Variants in GABBR2 observed in about 807,000 individuals in gnomAD.
The protein encoded by GABBR2 is G-protein coupled receptor 51.
In GABBR2, 23 loss-of-function variants were observed where a neutral mutation model predicts 105.6. That is an observed-to-expected ratio of 0.22 (90% CI 0.16 to 0.31). GABBR2 has a LOEUF of 0.31. GABBR2 is among the 10% of genes least tolerant of loss of function. The pLI is 1.00. For missense variants in GABBR2, 734 were observed against 1,245.5 expected, an observed-to-expected ratio of 0.59 and a Z score of 6.18; for synonymous variants, 478 against 499.7, an observed-to-expected ratio of 0.96 and a Z score of 0.58.
At chr9:98,572,222 C>T (rs1008401307) in intron 2 of GABBR2, among the ~76,000 whole-genome samples, 2 of 152,224 alleles carry the variant, frequency 1.3e-5, no homozygotes, top group East Asian at 1.9e-4. Context: ...ACTCACATCA[C>T]GACTAAAACA....
intron 13 of GABBR2, among the ~76,000 whole-genome samples, chr9:98,337,767 G>A (rs925682030): frequency 1.2e-4 from 18 of 152,044 alleles, no homozygotes; most frequent in African/African-American, 3.9e-4. Context: ...GTCCAGGGGC[G>A]GTAGCTCACG....
chr9:98,403,396 G>T (rs1291776240), intron 8 of GABBR2, among the ~76,000 whole-genome samples: 2 of 151,128 alleles, frequency 1.3e-5, no homozygotes, highest in Non-Finnish European at 3.0e-5. Context: ...ATGCAGAGAG[G>T]GTGAGGGGAG....
rs538787410 is a variant in GABBR2, at chr9:98,341,879, C to T, written c.1893+20836G>A. Among the ~76,000 whole-genome samples, 130 of 152,182 alleles carry T rather than the reference C, an allele frequency of 8.5e-4. 1 individual carries two copies. The highest frequency in any genetic ancestry group is 2.9e-3 in the African/African-American group (122 of 41,528). On this transcript the variant is annotated intron_variant, in intron 13 of 18. Transcript: ENST00000259455. ...CGGCAAAGACATTTCTTCGAGAAGCCGGCTTAATGGGCCCAGACAGATGGG... is the reference window on the plus strand; with the variant it reads ...CGGCAAAGACATTTCTTCGAGAAGCTGGCTTAATGGGCCCAGACAGATGGG...
chr9:98,379,444 T>G (rs924935675), intron 11 of GABBR2, among the ~76,000 whole-genome samples: 1 of 152,188 alleles, frequency 6.6e-6, no homozygotes, highest in Non-Finnish European at 1.5e-5. Context: ...AATCTTTGTA[T>G]TTTTAGTAGA....
intron 1 of GABBR2, among the ~76,000 whole-genome samples, chr9:98,595,263 G>T (rs1051141073): frequency 6.6e-6 from 1 of 151,890 alleles, no homozygotes; most frequent in Non-Finnish European, 1.5e-5. Context: ...CTTTTATAAG[G>T]CAGAATCCAT....
At chr9:98,374,984 C>T (rs1831847512) in intron 11 of GABBR2, among the ~76,000 whole-genome samples, 1 of 152,076 alleles carries the variant, frequency 6.6e-6, no homozygotes, top group African/African-American at 2.4e-5. Flanking sequence ...TGGGAGCATT[C>T]CTGCATACAA....
At chr9:98,518,991 G>A (rs1056295313) in intron 3 of GABBR2, among the ~76,000 whole-genome samples, 2 of 152,212 alleles carry the variant, frequency 1.3e-5, no homozygotes, top group Non-Finnish European at 2.9e-5. Context: ...ATTTTATAAT[G>A]TATCTTCTTA....
chr9:98,316,830 TGAG>T (rs1256252278), intron 13 of GABBR2, among the ~76,000 whole-genome samples: 1 of 152,106 alleles, frequency 6.6e-6, no homozygotes, highest in Non-Finnish European at 1.5e-5. Flanking sequence ...ATTTCACAGA[TGAG>T]GAAACAGAGT....
At chr9:98,513,510 G>A (rs1827696254) in intron 3 of GABBR2, among the ~76,000 whole-genome samples, 1 of 151,492 alleles carries the variant, frequency 6.6e-6, no homozygotes, top group Admixed American at 6.6e-5. Context: ...CTACTCATCT[G>A]ACAAAGGGTT....
At chr9:98,643,205 C>A (rs1464167472) in intron 1 of GABBR2, among the ~76,000 whole-genome samples, 1 of 152,244 alleles carries the variant, frequency 6.6e-6, no homozygotes, top group Non-Finnish European at 1.5e-5. Flanking sequence ...ACCCACCAAC[C>A]CTGCCAGCCA....
At position 98,447,314 on chromosome 9, in the gene GABBR2, C is replaced by T. The variant is rs954366552; in HGVS notation, c.1236+6667G>A. On this transcript the variant is annotated intron_variant, in intron 7 of 18. Coordinates refer to ENST00000259455, the MANE Select transcript of GABBR2 (RefSeq NM_005458.8). ...TCCTGACCTCGTGATCCACCCGCCT[C>T]GGCCTCCCAAAGTGCTGGGATTACA... Among the ~76,000 whole-genome samples the T allele has an allele frequency of 8.9e-5, 10 of 112,796 alleles. 1 individual carries two copies. The highest frequency in any genetic ancestry group is 9.1e-5 in the Admixed American group (1 of 11,022). The allele number at this position is 112,796 out of a possible 152,430, so 74.0% of individuals were successfully genotyped here. A position where few individuals can be genotyped will look rare whatever the true frequency, so the allele number is the denominator to read the frequency against.
rs1330170456 is a variant in GABBR2, at chr9:98,560,418, TATACAC to T, written c.459+17511_459+17516del. Among the ~76,000 whole-genome samples the T allele has an allele frequency of 1.0e-4, 10 of 97,394 alleles. No individual in the cohort carries two copies. In the East Asian group the frequency reaches 1.3e-3, roughly 13 times the overall value. 63.9% of individuals were successfully genotyped at this position (97,394 alleles called of 152,430 possible). A position where few individuals can be genotyped will look rare whatever the true frequency, so the allele number is the denominator to read the frequency against. ...ATACACACATACACACACACACACA[TATACAC>T]ATACACACACACACACATACACACA... is the stretch of plus-strand genomic sequence containing the variant. On this transcript the variant is annotated intron_variant, in intron 2 of 18. Coordinates refer to ENST00000259455, the MANE Select transcript of GABBR2 (RefSeq NM_005458.8).
intron 1 of GABBR2, among the ~76,000 whole-genome samples, chr9:98,589,335 A>C (rs184564374): frequency 3.3e-5 from 5 of 152,278 alleles, no homozygotes; most frequent in Admixed American, 1.3e-4. Flanking sequence ...TCTAACTCTG[A>C]GCATCTGCTT....
chr9:98,655,808 G>A (rs1165680005), intron 1 of GABBR2, among the ~76,000 whole-genome samples: 3 of 151,056 alleles, frequency 2.0e-5, no homozygotes, highest in Non-Finnish European at 4.5e-5. Flanking sequence ...GACACAGGGA[G>A]GGGAACATCA....
intron 7 of GABBR2, among the ~76,000 whole-genome samples, chr9:98,436,416 T>C (rs1232646563): frequency 1.0e-5 from 1 of 98,736 alleles, no homozygotes; most frequent in African/African-American, 4.0e-5. Flanking sequence ...TAGTATGGCG[T>C]TCTTTCTTCT....
chr9:98,530,409 C>T (rs1431149711), intron 3 of GABBR2, among the ~76,000 whole-genome samples: 1 of 152,158 alleles, frequency 6.6e-6, no homozygotes, highest in Non-Finnish European at 1.5e-5. Flanking sequence ...AACCGGGGTT[C>T]ATGTCTATAC....
chr9:98,401,640 G>A (rs952085501), intron 8 of GABBR2, among the ~76,000 whole-genome samples: 10 of 152,168 alleles, frequency 6.6e-5, no homozygotes, highest in South Asian at 2.1e-4. Context: ...ACAGTCTGAC[G>A]AAATGGCCTT....
At position 98,699,118 on chromosome 9, in the gene GABBR2, T is replaced by G. The variant is rs116884031; in HGVS notation, c.321+9299A>C. On this transcript the variant is annotated intron_variant, in intron 1 of 18. Coordinates refer to ENST00000259455, the MANE Select transcript of GABBR2 (RefSeq NM_005458.8). ...AGCCTCCTTTGGCTCTCGTGCTCTC[T>G]GGAGGCGAGAGTGAGATATCAGAAC... 8.9e-3 allele frequency among the ~76,000 whole-genome samples: 1,357 copies of G among 152,280 alleles called. 16 individuals carry two copies. Among genetic ancestry groups the G allele is most frequent in the Non-Finnish European group, 0.016 (1,067 of 68,016 alleles).
chr9:98,406,096 AT>A lies in GABBR2; in HGVS notation c.1281del (p.Lys427AsnfsTer11). ...AAATGCCTACCTTGAAATTGAGTAA[AT>A]TTAATGGTCCCCATTCTCTCCCCAT... ...FRNGERMGTIKFTQFQDSREV... is the reference protein window; with the variant it reads ...FRNGERMGTIXFTQFQDSREV... On this transcript the variant is annotated frameshift_variant, in exon 8 of 19. Transcript: ENST00000259455. LOFTEE classifies it high-confidence loss of function. 6.4e-7 allele frequency: 1 copy of A among 1,574,446 alleles called. No individual in the cohort carries two copies. Among genetic ancestry groups the A allele is most frequent in the Non-Finnish European group, 8.7e-7 (1 of 1,150,210 alleles).
Sources: allele counts gnomAD v4.1 joint callset (sites outside exome capture counted in the v4.1 genomes callset), GRCh38; gene constraint gnomAD v4.1.1; transcripts MANE v1.5; gene names NCBI Gene and HGNC (gene_info 2026-07-23, HGNC 2026-07-21).